HS3ST4: variants seen among roughly 807,000 people sequenced by gnomAD.
HS3ST4 encodes heparan sulfate glucosamine 3-O-sulfotransferase 4.
HS3ST4 carries 17 observed loss-of-function variants against 29.2 expected under a neutral mutation model. The observed-to-expected ratio is 0.58, with a 90% confidence interval of 0.40 to 0.87. HS3ST4 has a LOEUF of 0.87. Ranked by LOEUF, HS3ST4 falls within the 40% of genes least tolerant of loss-of-function variation. The pLI, the probability that HS3ST4 is intolerant of heterozygous loss-of-function variation, is 0.00. For missense variants in HS3ST4, 627 were observed against 634.5 expected, an observed-to-expected ratio of 0.99 and a Z score of 0.13; for synonymous variants, 314 against 285.7, an observed-to-expected ratio of 1.10 and a Z score of -1.00.
At chr16:26,127,303 C>T (rs1899357606) in intron 1 of HS3ST4, among the ~76,000 whole-genome samples, 2 of 152,198 alleles carry the variant, frequency 1.3e-5, no homozygotes, top group Non-Finnish European at 2.9e-5. Context: ...GCTGCCATGC[C>T]TTAAGACCTG....
At chr16:25,805,876 C>A (rs1015318331) in intron 1 of HS3ST4, among the ~76,000 whole-genome samples, 20 of 152,060 alleles carry the variant, frequency 1.3e-4, no homozygotes, top group Admixed American at 6.6e-4. Flanking sequence ...CCCCGACGGG[C>A]CCCATTGTGT....
At chr16:25,897,467 A>G (rs567470416) in intron 1 of HS3ST4, among the ~76,000 whole-genome samples, 1 of 152,184 alleles carries the variant, frequency 6.6e-6, no homozygotes, top group African/African-American at 2.4e-5. Flanking sequence ...AAAAATGATA[A>G]TATAAAATTG....
At chr16:25,788,873 T>C (rs1232110289) in intron 1 of HS3ST4, among the ~76,000 whole-genome samples, 2 of 152,124 alleles carry the variant, frequency 1.3e-5, no homozygotes, top group African/African-American at 2.4e-5. Flanking sequence ...AGGCAGGACT[T>C]GTCAGTGTGA....
intron 1 of HS3ST4, among the ~76,000 whole-genome samples, chr16:26,079,687 C>G (rs547965377): frequency 6.6e-6 from 1 of 152,306 alleles, no homozygotes; most frequent in South Asian, 2.1e-4. Context: ...AGGATTTGAA[C>G]TGAGGCAGAA....
At chr16:26,062,118 T>G (rs1488142766) in intron 1 of HS3ST4, among the ~76,000 whole-genome samples, 1 of 152,204 alleles carries the variant, frequency 6.6e-6, no homozygotes, top group Non-Finnish European at 1.5e-5. Flanking sequence ...TAATGAGCTT[T>G]GAGTGGGTAA....
chr16:25,864,011 T>TG (rs1967665097), intron 1 of HS3ST4, among the ~76,000 whole-genome samples: 3 of 127,682 alleles, frequency 2.3e-5, no homozygotes. Context: ...TCCTGCTGCC[T>TG]GCCGCCTCTT....
intron 1 of HS3ST4, among the ~76,000 whole-genome samples, chr16:26,013,169 A>G (rs557354361): frequency 6.6e-6 from 1 of 152,280 alleles, no homozygotes; most frequent in African/African-American, 2.4e-5. Context: ...TCAAAAATAA[A>G]TAAATACATA....
chr16:25,798,304 C>T (rs1966900583), intron 1 of HS3ST4, among the ~76,000 whole-genome samples: 1 of 152,180 alleles, frequency 6.6e-6, no homozygotes. Flanking sequence ...AGTAACAAAT[C>T]AGCCCCAAAT....
chr16:25,947,069 G>A (rs1315818626), intron 1 of HS3ST4, among the ~76,000 whole-genome samples: 3 of 152,098 alleles, frequency 2.0e-5, no homozygotes, highest in Admixed American at 1.3e-4. Flanking sequence ...TTAAGCAAGT[G>A]TGTGTGTGTG....
intron 1 of HS3ST4, among the ~76,000 whole-genome samples, chr16:26,127,551 T>C (rs1899361563): frequency 1.3e-5 from 2 of 152,190 alleles, no homozygotes; most frequent in African/African-American, 4.8e-5. Context: ...TCTGTCTCCT[T>C]CTCCTGCCTC....
At chr16:26,087,468 C>T (rs570650677) in intron 1 of HS3ST4, among the ~76,000 whole-genome samples, 9 of 152,158 alleles carry the variant, frequency 5.9e-5, no homozygotes, top group South Asian at 2.1e-4. Context: ...CCTGGCATTC[C>T]GTTGACCTAT....
intron 1 of HS3ST4, among the ~76,000 whole-genome samples, chr16:26,085,673 C>G (rs777621937): frequency 6.6e-6 from 1 of 152,048 alleles, no homozygotes. Flanking sequence ...GACTTCAAGA[C>G]CAGCCTGGGC....
intron 1 of HS3ST4, among the ~76,000 whole-genome samples, chr16:26,034,286 G>A (rs1405207331): frequency 6.6e-6 from 1 of 152,134 alleles, no homozygotes; most frequent in Non-Finnish European, 1.5e-5. Flanking sequence ...GCATTTAAGG[G>A]AGCTGTAAGT....
chr16:25,929,926 T>G (rs1020975023), intron 1 of HS3ST4, among the ~76,000 whole-genome samples: 1 of 152,214 alleles, frequency 6.6e-6, no homozygotes, highest in East Asian at 1.9e-4. Flanking sequence ...TGCCCAACAG[T>G]TATTTTTCCT....
chr16:25,902,917 G>A (rs1169580431), intron 1 of HS3ST4, among the ~76,000 whole-genome samples: 1 of 151,838 alleles, frequency 6.6e-6, no homozygotes, highest in African/African-American at 2.4e-5. Flanking sequence ...GGTCAACATG[G>A]TGAGACCCTG....
At chr16:25,754,713 C>T (rs992223854) in intron 1 of HS3ST4, among the ~76,000 whole-genome samples, 5 of 152,066 alleles carry the variant, frequency 3.3e-5, no homozygotes, top group Non-Finnish European at 5.9e-5. Context: ...AGGACTATCA[C>T]GATCACAAGA....
intron 1 of HS3ST4, among the ~76,000 whole-genome samples, chr16:25,813,567 A>C (rs1470365229): frequency 6.6e-6 from 1 of 152,218 alleles, no homozygotes; most frequent in Non-Finnish European, 1.5e-5. Context: ...ATTGCAATCT[A>C]GCCTGGGCAG....
intron 1 of HS3ST4, among the ~76,000 whole-genome samples, chr16:26,107,841 C>T (rs936361828): frequency 4.6e-5 from 7 of 152,102 alleles, no homozygotes; most frequent in African/African-American, 1.7e-4. Flanking sequence ...TGAATTTGTG[C>T]TGTGATAAAC....
In HS3ST4 at chr16:25,924,701, A is replaced by T. The variant is rs143728139; in HGVS notation, c.735-210911A>T. On this transcript the variant is annotated intron_variant, in intron 1 of 1. Transcript: ENST00000331351. Reference sequence around the variant, plus strand: ...TTGCATGTGCAATTTCTTCATTACAACTTTTCCCTCTATTATAAAATGTAG... The same window carrying T: ...TTGCATGTGCAATTTCTTCATTACATCTTTTCCCTCTATTATAAAATGTAG... 1.2e-4 allele frequency among the ~76,000 whole-genome samples: 19 copies of T among 152,212 alleles called. No homozygotes were observed. In the East Asian group the frequency reaches 3.7e-3, roughly 29 times the overall value.
Sources: gnomAD v4.1 joint callset for allele counts (sites outside exome capture counted in the v4.1 genomes callset) on GRCh38, gnomAD v4.1.1 for gene constraint, MANE v1.5 for transcripts, NCBI Gene and HGNC (gene_info 2026-07-23, HGNC 2026-07-21) for gene names.